Variants in CIB1 observed in about 807,000 individuals in gnomAD.
CIB1 encodes the protein calcium and integrin-binding protein 1.
CIB1 carries 19 observed loss-of-function variants against 25.0 expected under a neutral mutation model. That is an observed-to-expected ratio of 0.76 (90% CI 0.53 to 1.12). The LOEUF is 1.12. Among genes scored for constraint, CIB1 ranks in the 50% most tolerant of loss-of-function variants. The pLI is 0.00. For missense variants in CIB1, 236 were observed against 242.6 expected (o/e 0.97, Z 0.18); for synonymous variants, 104 against 98.5 (o/e 1.06, Z -0.33).
chr15:90,256,286 T>C, the CIB1 span: 4 of 1,614,124 alleles, frequency 2.5e-6, no homozygotes, highest in East Asian at 2.2e-5. Context: ...CTGCCAGCAA[T>C]ACATCTCCAA....
chr15:90,232,757 T>G (rs1962529424), intron 2 of CIB1, among the ~76,000 whole-genome samples: 1 of 151,998 alleles, frequency 6.6e-6, no homozygotes, highest in Admixed American at 6.6e-5. Flanking sequence ...AATACAAAAA[T>G]TAGCCGGGCA....
the CIB1 span, among the ~76,000 whole-genome samples, chr15:90,250,258 T>TC: frequency 6.6e-6 from 1 of 151,760 alleles, no homozygotes; most frequent in Non-Finnish European, 1.5e-5. Context: ...AAAGCGAAGG[T>TC]CCCCCCAGCA....
the CIB1 span, chr15:90,265,488 C>T: frequency 7.1e-7 from 1 of 1,404,662 alleles, no homozygotes; most frequent in Non-Finnish European, 9.2e-7. Flanking sequence ...CAGGAGCGTC[C>T]TGTACCTCAT....
the CIB1 span, among the ~76,000 whole-genome samples, chr15:90,253,923 C>G: frequency 1.3e-5 from 2 of 152,120 alleles, no homozygotes; most frequent in African/African-American, 2.4e-5. Flanking sequence ...TTTGGGGAAG[C>G]CAGGCAGGAA....
chr15:90,265,753 G>T, the CIB1 span: 4 of 1,613,220 alleles, frequency 2.5e-6, no homozygotes, highest in Non-Finnish European at 3.4e-6. Context: ...GGGCGCGTTT[G>T]CGCCGCCGTC....
the CIB1 span, chr15:90,265,448 C>A: frequency 2.2e-6 from 3 of 1,335,028 alleles, no homozygotes; most frequent in Non-Finnish European, 2.9e-6. Context: ...AAACGGAATC[C>A]GTACTTTAAT....
the CIB1 span, chr15:90,242,687 T>A: frequency 6.6e-6 from 1 of 152,148 alleles, no homozygotes; most frequent in African/African-American, 2.4e-5. Context: ...CTTTAGGTGA[T>A]CCGCCCGCCT....
Position 90,231,157 on chromosome 15 carries a change from G to A in CIB1, c.403C>T (p.Leu135Phe). 1.2e-6 allele frequency: 2 copies of A among 1,614,184 alleles called. No individual in the cohort carries two copies. Among genetic ancestry groups the A allele is most frequent in the Non-Finnish European group, 1.7e-6 (2 of 1,180,032 alleles). Residue 135 changes from leucine to phenylalanine, a missense_variant, in exon 5 of 7, where the codon CTC becomes TTC. Transcript: ENST00000328649. The part of the protein sequence containing the change: ...REDLSRLVNC[L>F]TGEGEDTRLS... ...CGTGTGTCCTCGCCCTCTCCCGTGA[G>A]GCAGTTCACCAGCCGGCTCAGGTCT...
the CIB1 span, chr15:90,258,813 A>T: frequency 1.2e-6 from 2 of 1,614,190 alleles, no homozygotes; most frequent in South Asian, 2.2e-5. Context: ...CTTCTCTGTG[A>T]TGCTATGACC....
At chr15:90,260,867 A>G in the CIB1 span, among the ~76,000 whole-genome samples, 31 of 151,272 alleles carry the variant, frequency 2.0e-4, no homozygotes, top group African/African-American at 3.6e-4. Flanking sequence ...AAAAAAAAAA[A>G]AGAGAGAAAG....
At chr15:90,255,112 A>G in the CIB1 span, among the ~76,000 whole-genome samples, 2 of 152,210 alleles carry the variant, frequency 1.3e-5, no homozygotes, top group Admixed American at 6.5e-5. Flanking sequence ...GCAGACAGGA[A>G]AGACCATCCC....
chr15:90,261,953 T>C, the CIB1 span: 1 of 1,416,032 alleles, frequency 7.1e-7, no homozygotes, highest in Middle Eastern at 1.8e-4. Context: ...TTCCTTTCCC[T>C]ACTGAACATT....
At chr15:90,256,129 C>A in the CIB1 span, 5 of 1,613,452 alleles carry the variant, frequency 3.1e-6, no homozygotes, top group South Asian at 5.5e-5. Flanking sequence ...ACCAGGCCCT[C>A]TCTGCACATA....
At chr15:90,231,814 G>A (rs1962500489) in intron 3 of CIB1, among the ~76,000 whole-genome samples, 1 of 152,190 alleles carries the variant, frequency 6.6e-6, no homozygotes, top group African/African-American at 2.4e-5. Flanking sequence ...GAGATGGGCT[G>A]GTTATTTTAA....
the CIB1 span, among the ~76,000 whole-genome samples, chr15:90,259,359 C>T: frequency 3.3e-5 from 5 of 151,670 alleles, no homozygotes; most frequent in Non-Finnish European, 7.4e-5. Context: ...CACTGCACTC[C>T]AGCCTGGGCA....
chr15:90,253,255 G>C, the CIB1 span: 1 of 1,613,490 alleles, frequency 6.2e-7, no homozygotes, highest in Non-Finnish European at 8.5e-7. Context: ...GCAGTGCGTC[G>C]GGCAGCCCAA....
At chr15:90,247,276 T>TTTTTC in the CIB1 span, among the ~76,000 whole-genome samples, 8 of 149,872 alleles carry the variant, frequency 5.3e-5, no homozygotes, top group East Asian at 7.7e-4. Flanking sequence ...ACTGGCCTTT[T>TTTTTC]TTTTCTTTTC....
the CIB1 span, chr15:90,257,991 C>A: frequency 6.4e-7 from 1 of 1,573,654 alleles, no homozygotes; most frequent in South Asian, 1.1e-5. Flanking sequence ...TACAGCCTGG[C>A]CCAGTGGCCT....
chr15:90,257,659 C>T, the CIB1 span: 2 of 1,614,064 alleles, frequency 1.2e-6, no homozygotes, highest in African/African-American at 2.7e-5. Context: ...ATGCACCTGA[C>T]CAACTATGCT....
Sources: allele counts gnomAD v4.1 joint callset (sites outside exome capture counted in the v4.1 genomes callset), GRCh38; gene constraint gnomAD v4.1.1; transcripts MANE v1.5; gene names NCBI Gene and HGNC (gene_info 2026-07-23, HGNC 2026-07-21).